TPST1: variants seen among roughly 807,000 people sequenced by gnomAD.
TPST1 encodes the protein tyrosylprotein sulfotransferase 1.
A neutral mutation model predicts 34.8 loss-of-function variants in TPST1; 20 were observed. That is an observed-to-expected ratio of 0.57 (90% CI 0.40 to 0.84). The LOEUF is 0.84. TPST1 is among the 40% of genes least tolerant of loss of function. TPST1 has a pLI of 0.00. For missense variants in TPST1, 353 were observed against 455.5 expected (o/e 0.78, Z 2.05); for synonymous variants, 152 against 159.4 (o/e 0.95, Z 0.35).
At chr7:66,325,730 G>C (rs552910295) in intron 3 of TPST1, among the ~76,000 whole-genome samples, 1 of 152,182 alleles carries the variant, frequency 6.6e-6, no homozygotes, top group South Asian at 2.1e-4. Context: ...GTGCCTCCCG[G>C]ATTCAAATGA....
chr7:66,227,727 A>G (rs796936715), intron 1 of TPST1, among the ~76,000 whole-genome samples: 3 of 86,414 alleles, frequency 3.5e-5, no homozygotes, highest in African/African-American at 1.6e-4. Context: ...TAGAGCCAAC[A>G]GATTTTTTTT....
At chr7:66,356,684 T>G in intron 4 of TPST1, 141 bp from the exon 5 acceptor site, 14 of 885,884 alleles carry the variant, frequency 1.6e-5, no homozygotes, top group East Asian at 1.0e-4. Flanking sequence ...GTCAGATTCT[T>G]GAGCATACCA....
chr7:66,252,665 C>A (rs1284011762), intron 2 of TPST1, among the ~76,000 whole-genome samples: 1 of 152,106 alleles, frequency 6.6e-6, no homozygotes, highest in African/African-American at 2.4e-5. Context: ...TTTTTAATAT[C>A]TTTTTTGTCA....
At chr7:66,356,040 T>TA (rs78467238) in intron 4 of TPST1, among the ~76,000 whole-genome samples, 5,573 of 151,792 alleles carry the variant, frequency 0.037, 161 homozygotes, top group East Asian at 0.087. Flanking sequence ...CCTTGTCTAT[T>TA]AAAAAAAGAA....
intron 1 of TPST1, among the ~76,000 whole-genome samples, chr7:66,237,592 G>A (rs1562808394): frequency 6.6e-6 from 1 of 152,094 alleles, no homozygotes. Flanking sequence ...CCTGTGTTAG[G>A]GTTTTACAGA....
rs539264918 is a variant in TPST1, at chr7:66,333,819, C to T, written c.1045-18686C>T. ...GTATGTGCACCCTAATAACATATTTCCTTAAAACTAGTACTACTGGATCCT... is the reference window on the plus strand; with the variant it reads ...GTATGTGCACCCTAATAACATATTTTCTTAAAACTAGTACTACTGGATCCT... On this transcript the variant is annotated intron_variant, in intron 3 of 5. Coordinates refer to ENST00000304842, the MANE Select transcript of TPST1 (RefSeq NM_003596.4). Among the ~76,000 whole-genome samples, 315 of 152,260 alleles carry T rather than the reference C, an allele frequency of 2.1e-3. 1 individual carries two copies. The highest frequency in any genetic ancestry group is 6.9e-3 in the African/African-American group (287 of 41,558).
rs10267430 is a variant in TPST1, at chr7:66,278,036, G to A, written c.846-8475G>A. ...AATTGCTTGAGCCCATGAGGTGGAC[G>A]TTGCAGTGTGCTGAGATTGTGCCAC... is the stretch of plus-strand genomic sequence containing the variant. On this transcript the variant is annotated intron_variant, in intron 2 of 5. Coordinates refer to ENST00000304842, the MANE Select transcript of TPST1 (RefSeq NM_003596.4). 4.1e-5 allele frequency among the ~76,000 whole-genome samples: 6 copies of A among 146,514 alleles called. No homozygotes were observed. In the East Asian group the frequency reaches 1.0e-3, roughly 25 times the overall value.
intron 2 of TPST1, among the ~76,000 whole-genome samples, chr7:66,279,578 G>T (rs1480421641): frequency 6.6e-6 from 1 of 151,886 alleles, no homozygotes; most frequent in African/African-American, 2.4e-5. Context: ...GTTTTGTTTT[G>T]TTTTAAAACT....
chr7:66,357,477 T>C (rs1792604435), intron 5 of TPST1, among the ~76,000 whole-genome samples: 1 of 152,264 alleles, frequency 6.6e-6, no homozygotes, highest in African/African-American at 2.4e-5. Flanking sequence ...TAATGTATTA[T>C]GGATGGCTTA....
At position 66,295,426 on chromosome 7, in the gene TPST1, T is replaced by C. The variant is rs114011095; in HGVS notation, c.1044+8717T>C. On this transcript the variant is annotated intron_variant, in intron 3 of 5. Transcript: ENST00000304842. Reference sequence around the variant, plus strand: ...GAGAGGATTGCTTGAGCCCAGAATTTTGAGGTTACAGTGAGCTGAGATTGT... The same window carrying C: ...GAGAGGATTGCTTGAGCCCAGAATTCTGAGGTTACAGTGAGCTGAGATTGT... Among the ~76,000 whole-genome samples, 731 of 152,254 alleles carry C rather than the reference T, an allele frequency of 4.8e-3. 6 individuals carry two copies. Among genetic ancestry groups the C allele is most frequent in the African/African-American group, 0.016 (669 of 41,544 alleles).
intron 1 of TPST1, among the ~76,000 whole-genome samples, chr7:66,229,238 G>A (rs1472488324): frequency 1.3e-5 from 2 of 152,088 alleles, no homozygotes; most frequent in Non-Finnish European, 2.9e-5. Flanking sequence ...AGCCTCCGGA[G>A]TAGCTGGGAC....
chr7:66,278,619 C>T (rs1321271319), intron 2 of TPST1, among the ~76,000 whole-genome samples: 1 of 152,012 alleles, frequency 6.6e-6, no homozygotes, highest in Non-Finnish European at 1.5e-5. Flanking sequence ...CCCATTTCTA[C>T]TAAATATACA....
At chr7:66,295,041 G>C (rs1791164756) in intron 3 of TPST1, among the ~76,000 whole-genome samples, 1 of 152,026 alleles carries the variant, frequency 6.6e-6, no homozygotes, top group African/African-American at 2.4e-5. Context: ...TTACCATTTT[G>C]TTGTTTACCG....
In TPST1 at chr7:66,320,388, C is replaced by T. The variant is rs1330573470; in HGVS notation, c.1045-32117C>T. The stretch of plus-strand genomic sequence containing the variant: ...TCAGCCTCCCGAGTTGCTGGGACTA[C>T]AGGCGCCCGCCACCATGCCTGGCTA... On this transcript the variant is annotated intron_variant, in intron 3 of 5. Coordinates refer to ENST00000304842, the MANE Select transcript of TPST1 (RefSeq NM_003596.4). Among the ~76,000 whole-genome samples, 4 of 151,106 alleles carry T rather than the reference C, an allele frequency of 2.6e-5. No individual in the cohort carries two copies. In the South Asian group the frequency reaches 8.3e-4, roughly 32 times the overall value.
chr7:66,265,811 T>A (rs1499614), intron 2 of TPST1, among the ~76,000 whole-genome samples: 136,537 of 152,280 alleles, frequency 0.9, 61,390 homozygotes, highest in African/African-American at 0.94. Context: ...TTCTCACCAG[T>A]AACTATGGTG....
rs780952403 is a variant in TPST1, at chr7:66,224,901, C to CTTTTTTTTTTTTTTTTTTTTTTTTTTTTT, written c.-101-15421_-101-15393dup. Among the ~76,000 whole-genome samples the CTTTTTTTTTTTTTTTTTTTTTTTTTTTTT allele has an allele frequency of 7.1e-5, 3 of 42,408 alleles. 1 individual carries two copies. Among genetic ancestry groups the CTTTTTTTTTTTTTTTTTTTTTTTTTTTTT allele is most frequent in the Non-Finnish European group, 7.8e-5 (2 of 25,620 alleles). 27.8% of individuals were successfully genotyped at this position (42,408 alleles called of 152,430 possible). A position where few individuals can be genotyped will look rare whatever the true frequency, so the allele number is the denominator to read the frequency against. ...AACTGAGCCTGAACATTCTGGTATT[C>CTTTTTTTTTTTTTTTTTTTTTTTTTTTTT]TTTTTTTTTTTTTTTTTTTTTTTTT... is the stretch of plus-strand genomic sequence containing the variant. On this transcript the variant is annotated intron_variant, in intron 1 of 5. Coordinates refer to ENST00000304842, the MANE Select transcript of TPST1 (RefSeq NM_003596.4).
chr7:66,237,621 G>A (rs1789936607), intron 1 of TPST1, among the ~76,000 whole-genome samples: 1 of 152,104 alleles, frequency 6.6e-6, no homozygotes, highest in Admixed American at 6.5e-5. Flanking sequence ...CAGTAGTCAG[G>A]GTAAGGCAAA....
intron 1 of TPST1, among the ~76,000 whole-genome samples, chr7:66,226,963 C>G (rs1391747572): frequency 1.4e-5 from 2 of 144,498 alleles, no homozygotes; most frequent in East Asian, 4.0e-4. Context: ...GATTTCCTGA[C>G]AGAAGCAGTG....
intron 1 of TPST1, among the ~76,000 whole-genome samples, chr7:66,228,036 T>A (rs1789700970): frequency 1.3e-5 from 2 of 152,198 alleles, no homozygotes; most frequent in Non-Finnish European, 2.9e-5. Context: ...CAAGTATGTT[T>A]TTGGACAAGG....
Sources: allele counts gnomAD v4.1 joint callset (sites outside exome capture counted in the v4.1 genomes callset), GRCh38; gene constraint gnomAD v4.1.1; transcripts MANE v1.5; gene names NCBI Gene and HGNC (gene_info 2026-07-23, HGNC 2026-07-21).